Variants in KRTAP9-4 observed in about 807,000 individuals in gnomAD.
KRTAP9-4 encodes the protein keratin-associated protein 9-4.
KRTAP9-4 carries 8 observed loss-of-function variants against 12.7 expected under a neutral mutation model. The observed-to-expected ratio is 0.63, with a 90% CI of 0.37 to 1.14. The LOEUF is 1.14. KRTAP9-4 is among the 50% of genes most tolerant of loss of function. The pLI, the probability that KRTAP9-4 is intolerant of heterozygous loss-of-function variation, is 0.01. For synonymous variants in KRTAP9-4, 81 were observed against 67.3 expected, an observed-to-expected ratio of 1.20 and a Z score of -1.00; for missense variants, 188 against 189.1, an observed-to-expected ratio of 0.99 and a Z score of 0.03.
chr17:41,250,272 G>T lies in KRTAP9-4; in HGVS notation c.*87G>T. The stretch of plus-strand genomic sequence containing the variant: ...TGGGGGACTAATTTAATTTGCTGCT[G>T]ACAGCCACCATGCTCTCACCCAAAT... On this transcript the variant is annotated 3_prime_UTR_variant, in exon 1 of 1. Transcript: ENST00000334109. 1.3e-6 allele frequency: 2 copies of T among 1,547,410 alleles called. No individual in the cohort carries two copies. The highest frequency in any genetic ancestry group is 1.8e-6 in the Non-Finnish European group (2 of 1,131,552).
In KRTAP9-4 at chr17:41,250,206, C is replaced by A. The variant is rs1288035751; in HGVS notation, c.*21C>A. 6.2e-7 allele frequency: 1 copy of A among 1,613,606 alleles called. No homozygotes were observed. Among genetic ancestry groups the A allele is most frequent in the African/African-American group, 1.3e-5 (1 of 74,942 alleles). On this transcript the variant is annotated 3_prime_UTR_variant, in exon 1 of 1. Coordinates refer to ENST00000334109, the MANE Select transcript of KRTAP9-4 (RefSeq NM_033191.3). ...GCTGATCAAGTCCCAAGAGAACCAC[C>A]ATCCTCACACAACAACTTTCTGCTC...
At position 41,249,744 on chromosome 17, in the gene KRTAP9-4, C is replaced by T. The variant is rs367637716; in HGVS notation, c.24C>T (p.Cys8=). 2.5e-5 allele frequency: 41 copies of T among 1,611,758 alleles called. No homozygotes were observed. In the Admixed American group the frequency reaches 4.8e-4, roughly 19 times the overall value. The change falls in exon 1 of 1, where the codon TGC becomes TGT. Residue 8 remains cysteine, a synonymous_variant. Transcript: ENST00000334109. MTHCCSP[C]CQPTCCRTTC... is the part of the protein sequence containing the mutation. The stretch of plus-strand genomic sequence containing the variant: ...CCATGACCCACTGTTGCTCCCCTTG[C>T]TGTCAGCCTACATGCTGCAGGACCA...
At chr17:41,250,152 T>A in the KRTAP9-4 span, 1 of 1,614,254 alleles carries the variant, frequency 6.2e-7, no homozygotes, top group East Asian at 2.2e-5. Context: ...AGCCCACCTG[T>A]GTGTCCAGCT....
In KRTAP9-4 at chr17:41,250,511, C is replaced by A; in HGVS notation, c.*326C>A. ...TAGGTTTCTGCAACTGATCAATAAT[C>A]TTTGCAATCATATTTTTGTTTTCAA... On this transcript the variant is annotated 3_prime_UTR_variant, in exon 1 of 1. Coordinates refer to ENST00000334109, the MANE Select transcript of KRTAP9-4 (RefSeq NM_033191.3). 3.9e-6 allele frequency: 1 copy of A among 257,702 alleles called. No homozygotes were observed. Among genetic ancestry groups the A allele is most frequent in the Non-Finnish European group, 7.7e-6 (1 of 130,554 alleles). The allele number at this position is 257,702 out of a possible 1,614,324, so 16.0% of individuals were successfully genotyped here. A position where few individuals can be genotyped will look rare whatever the true frequency, so the allele number is the denominator to read the frequency against.
Position 41,249,950 on chromosome 17 carries a change from G to T in KRTAP9-4, c.230G>T (p.Ser77Ile), listed in dbSNP as rs958530991. ...AGCTGCTGCCAGCCTTCCTGCTGCA[G>T]CACACCCTGCTGCCAGCCCACCTGC... ...VTSCCQPSCCSTPCCQPTCCG... is the reference protein window; with the variant it reads ...VTSCCQPSCCITPCCQPTCCG... Residue 77 changes from serine (S) to isoleucine (I), a missense_variant, in exon 1 of 1, where the codon AGC becomes ATC. Transcript: ENST00000334109. The T allele has an allele frequency of 2.5e-6, 4 of 1,614,020 alleles. No homozygotes were observed. Among genetic ancestry groups the T allele is most frequent in the Non-Finnish European group, 3.4e-6 (4 of 1,179,978 alleles).
At position 41,250,207 on chromosome 17, in the gene KRTAP9-4, ATCC is replaced by A. The variant is rs1255928712; in HGVS notation, c.*25_*27del. The A allele has an allele frequency of 1.2e-6, 2 of 1,613,596 alleles. No homozygotes were observed. Among genetic ancestry groups the A allele is most frequent in the Non-Finnish European group, 1.7e-6 (2 of 1,179,556 alleles). ...CTGATCAAGTCCCAAGAGAACCACC[ATCC>A]TCACACAACAACTTTCTGCTCAACT... On this transcript the variant is annotated 3_prime_UTR_variant, in exon 1 of 1. Transcript: ENST00000334109.
In KRTAP9-4 at chr17:41,250,408, C is replaced by T. The variant is rs1199480170; in HGVS notation, c.*223C>T. On this transcript the variant is annotated 3_prime_UTR_variant, in exon 1 of 1. Transcript: ENST00000334109. ...CACTTTGTGGATCATGTGCCAGCTT[C>T]GTGTGTTCTCAATTTTGAGTCATGG... The T allele has an allele frequency of 9.7e-6, 7 of 718,782 alleles. No homozygotes were observed. In the East Asian group the frequency reaches 1.1e-4, roughly 11 times the overall value. 44.5% of individuals were successfully genotyped at this position (718,782 alleles called of 1,614,324 possible).
rs958530991 is a variant in KRTAP9-4, at chr17:41,249,950, G to A, written c.230G>A (p.Ser77Asn). ...AGCTGCTGCCAGCCTTCCTGCTGCAGCACACCCTGCTGCCAGCCCACCTGC... is the reference window on the plus strand; with the variant it reads ...AGCTGCTGCCAGCCTTCCTGCTGCAACACACCCTGCTGCCAGCCCACCTGC... ...VTSCCQPSCC[S>N]TPCCQPTCCG... Residue 77 changes from serine (S) to asparagine (N), a missense_variant, in exon 1 of 1, where the codon AGC (serine) becomes AAC (asparagine). By Grantham distance (46) the Ser-to-Asn change is conservative (BLOSUM62 1). Transcript: ENST00000334109. 1 of 1,613,902 alleles carries A rather than the reference G, an allele frequency of 6.2e-7. No individual in the cohort carries two copies. The highest frequency in any genetic ancestry group is 1.3e-5 in the African/African-American group (1 of 74,876).
rs1280541423 is a variant in KRTAP9-4 at position 41,249,970 on chromosome 17, A to C, written c.250A>C (p.Thr84Pro). The change falls in exon 1 of 1, where the codon ACC becomes CCC. Residue 84 changes from threonine to proline, a missense_variant. Physicochemically the swap from Thr to Pro is conservative, Grantham distance 38. Coordinates refer to ENST00000334109, the MANE Select transcript of KRTAP9-4 (RefSeq NM_033191.3). ...SCCSTPCCQP[T>P]CCGSSCDQSS... ...CTGCAGCACACCCTGCTGCCAGCCC[A>C]CCTGCTGTGGGTCCAGCTGTGACCA... 2 of 1,613,868 alleles carry C rather than the reference A, an allele frequency of 1.2e-6. No homozygotes were observed. The highest frequency in any genetic ancestry group is 3.3e-5 in the Admixed American group (2 of 59,982).
chr17:41,249,763 A>G lies in KRTAP9-4; in HGVS notation c.43A>G (p.Arg15Gly). Reference sequence around the variant, plus strand: ...CCCTTGCTGTCAGCCTACATGCTGCAGGACCACCTGCTGCAGGACCACCTG... The same window carrying G: ...CCCTTGCTGTCAGCCTACATGCTGCGGGACCACCTGCTGCAGGACCACCTG... The part of the protein sequence containing the change: ...CSPCCQPTCC[R>G]TTCCRTTCWK... Residue 15 changes from arginine (R) to glycine (G), a missense_variant, in exon 1 of 1, where the codon AGG becomes GGG. Transcript: ENST00000334109. 1.2e-6 allele frequency: 2 copies of G among 1,611,756 alleles called. No individual in the cohort carries two copies. The highest frequency in any genetic ancestry group is 1.7e-6 in the Non-Finnish European group (2 of 1,179,474).
rs372652795 is a variant in KRTAP9-4, at chr17:41,250,225, T to G, written c.*40T>G. ...AACCACCATCCTCACACAACAACTTTCTGCTCAACTGACTTATCTTTTGGG... is the reference window on the plus strand; with the variant it reads ...AACCACCATCCTCACACAACAACTTGCTGCTCAACTGACTTATCTTTTGGG... On this transcript the variant is annotated 3_prime_UTR_variant, in exon 1 of 1. Transcript: ENST00000334109. The G allele has an allele frequency of 9.3e-6, 15 of 1,611,378 alleles. No individual in the cohort carries two copies. The highest frequency in any genetic ancestry group is 1.3e-5 in the Non-Finnish European group (15 of 1,177,746).
At position 41,250,067 on chromosome 17, in the gene KRTAP9-4, G is replaced by A. The variant is rs2016201095; in HGVS notation, c.347G>A (p.Cys116Tyr). 2.5e-6 allele frequency: 4 copies of A among 1,613,908 alleles called. No individual in the cohort carries two copies. In the South Asian group the frequency reaches 3.3e-5, roughly 13 times the overall value. ...CCCACAACTGTCTGCCTGCCTGGTT[G>A]CCTAAACCAGAGCTGTGGCTCCAAC... The part of the protein sequence containing the change: ...YYPTTVCLPG[C>Y]LNQSCGSNCC... Residue 116 changes from cysteine to tyrosine, a missense_variant, in exon 1 of 1, where the codon TGC (cysteine) becomes TAC (tyrosine). By Grantham distance (194) the Cys-to-Tyr change is radical. Transcript: ENST00000334109.
At position 41,250,032 on chromosome 17, in the gene KRTAP9-4, C is replaced by G; in HGVS notation, c.312C>G (p.Thr104=). The change falls in exon 1 of 1, where the codon ACC becomes ACG. Residue 104 remains threonine, a synonymous_variant. Transcript: ENST00000334109. ...GTGCACCTGTGTACTGCAGAAGAAC[C>G]TGCTACTACCCCACAACTGTCTGCC... is the stretch of plus-strand genomic sequence containing the variant. ...SSCAPVYCRR[T]CYYPTTVCLP... is the part of the protein sequence containing the mutation. 1 of 1,614,116 alleles carries G rather than the reference C, an allele frequency of 6.2e-7. No individual in the cohort carries two copies. The highest frequency in any genetic ancestry group is 2.2e-5 in the East Asian group (1 of 44,876).
Position 41,250,037 on chromosome 17 carries a change from A to G in KRTAP9-4, c.317A>G (p.Tyr106Cys), listed in dbSNP as rs1598049220. 1 of 1,613,608 alleles carries G rather than the reference A, an allele frequency of 6.2e-7. No homozygotes were observed. The highest frequency in any genetic ancestry group is 2.2e-5 in the East Asian group (1 of 44,852). The change falls in exon 1 of 1, where the codon TAC becomes TGC. Residue 106 changes from tyrosine (Y) to cysteine (C), a missense_variant. By Grantham distance (194) the Tyr-to-Cys change is radical (BLOSUM62 -2). Transcript: ENST00000334109. ...CCTGTGTACTGCAGAAGAACCTGCT[A>G]CTACCCCACAACTGTCTGCCTGCCT... ...CAPVYCRRTC[Y>C]YPTTVCLPGC... is the part of the protein sequence containing the mutation.
Position 41,250,148 on chromosome 17 carries a change from C to T in KRTAP9-4, c.428C>T (p.Thr143Ile), listed in dbSNP as rs1598049360. Residue 143 changes from threonine to isoleucine, a missense_variant, in exon 1 of 1, where the codon ACC (threonine) becomes ATC (isoleucine). Physicochemically the swap from Thr to Ile is moderately conservative, Grantham distance 89. Transcript: ENST00000334109. The part of the protein sequence containing the change: ...ACCETTCFQP[T>I]CVSSCCQPFC... ...TGTGAGACCACTTGCTTCCAGCCCACCTGTGTGTCCAGCTGCTGTCAGCCT... is the reference window on the plus strand; with the variant it reads ...TGTGAGACCACTTGCTTCCAGCCCATCTGTGTGTCCAGCTGCTGTCAGCCT... The T allele has an allele frequency of 2.5e-6, 4 of 1,614,244 alleles. No individual in the cohort carries two copies. Among genetic ancestry groups the T allele is most frequent in the East Asian group, 2.2e-5 (1 of 44,892 alleles).
chr17:41,250,330 G>A lies in KRTAP9-4; in HGVS notation c.*145G>A, dbSNP rs185438683. ...AATTCTCTACCTGTTTAAAATCTTG[G>A]GAATCTACTTGAGGGAGGGCAGAAT... is the stretch of plus-strand genomic sequence containing the variant. On this transcript the variant is annotated 3_prime_UTR_variant, in exon 1 of 1. Transcript: ENST00000334109. 2.2e-6 allele frequency: 2 copies of A among 899,814 alleles called. No individual in the cohort carries two copies. Among genetic ancestry groups the A allele is most frequent in the Non-Finnish European group, 3.4e-6 (2 of 586,044 alleles). The allele number at this position is 899,814 out of a possible 1,614,324, so 55.7% of individuals were successfully genotyped here.
rs1302440411 is a variant in KRTAP9-4 at position 41,250,363 on chromosome 17, C to T, written c.*178C>T. ...CTTGAGGGAGGGCAGAATACTTCATCCTGATTCTCTTTTTCCTTACACTTT... is the reference window on the plus strand; with the variant it reads ...CTTGAGGGAGGGCAGAATACTTCATTCTGATTCTCTTTTTCCTTACACTTT... On this transcript the variant is annotated 3_prime_UTR_variant, in exon 1 of 1. Coordinates refer to ENST00000334109, the MANE Select transcript of KRTAP9-4 (RefSeq NM_033191.3). The T allele has an allele frequency of 7.6e-6, 6 of 793,376 alleles. No homozygotes were observed. The highest frequency in any genetic ancestry group is 1.2e-5 in the Non-Finnish European group (6 of 491,504). The allele number at this position is 793,376 out of a possible 1,614,324, so 49.1% of individuals were successfully genotyped here. A position where few individuals can be genotyped will look rare whatever the true frequency, so the allele number is the denominator to read the frequency against.
In KRTAP9-4 at chr17:41,250,543, C is replaced by A. The variant is rs148374874; in HGVS notation, c.*358C>A. 2.0e-3 allele frequency: 1,006 copies of A among 506,560 alleles called. 6 individuals are homozygous for A. Among genetic ancestry groups the A allele is most frequent in the African/African-American group, 0.017 (895 of 51,816 alleles). 31.4% of individuals were successfully genotyped at this position (506,560 alleles called of 1,614,324 possible). A position where few individuals can be genotyped will look rare whatever the true frequency, so the allele number is the denominator to read the frequency against. On this transcript the variant is annotated 3_prime_UTR_variant, in exon 1 of 1. Transcript: ENST00000334109. ...ATCATATTTTTGTTTTCAATATCCT[C>A]CTCATGGTTCTTGTATCCTTCTTTC... is the stretch of plus-strand genomic sequence containing the variant.
rs1457475285 is a variant in KRTAP9-4 at position 41,250,573 on chromosome 17, T to A, written c.*388T>A. Reference sequence around the variant, plus strand: ...TGGTTCTTGTATCCTTCTTTCTTCTTTTCATAACTTTGGGTTATGTTTCTG... The same window carrying A: ...TGGTTCTTGTATCCTTCTTTCTTCTATTCATAACTTTGGGTTATGTTTCTG... On this transcript the variant is annotated 3_prime_UTR_variant, in exon 1 of 1. Coordinates refer to ENST00000334109, the MANE Select transcript of KRTAP9-4 (RefSeq NM_033191.3). 7 of 370,864 alleles carry A rather than the reference T, an allele frequency of 1.9e-5. No homozygotes were observed. Among genetic ancestry groups the A allele is most frequent in the African/African-American group, 4.2e-5 (2 of 47,346 alleles). 23.0% of individuals were successfully genotyped at this position (370,864 alleles called of 1,614,324 possible). A position where few individuals can be genotyped will look rare whatever the true frequency, so the allele number is the denominator to read the frequency against.
Sources: gnomAD v4.1 joint callset for allele counts on GRCh38, gnomAD v4.1.1 for gene constraint, MANE v1.5 for transcripts, NCBI Gene and HGNC (gene_info 2026-07-23, HGNC 2026-07-21) for gene names.